The following EIF5A variants were observed in gnomAD, a reference collection of about 807,000 sequenced individuals.
EIF5A encodes the protein eukaryotic translation initiation factor 5A-1.
Under a neutral mutation model 16.6 loss-of-function variants are expected in EIF5A, and 1 was observed. The observed-to-expected ratio is 0.06, with a 90% CI of 0.02 to 0.28. The LOEUF is 0.28. EIF5A is among the 10% of genes least tolerant of loss of function. The pLI is 1.00. For synonymous variants in EIF5A, 80 were observed against 73.6 expected (o/e 1.09, Z -0.44); for missense variants, 29 against 196.1 (o/e 0.15, Z 5.09).
At chr17:7,307,621 C>T, upstream of EIF5A, 3 of 1,025,210 alleles carry the variant, frequency 2.9e-6, no homozygotes, top group Non-Finnish European at 2.3e-6. Context: ...GGGGAGTCGG[C>T]GCCTGCGTAC....
At chr17:7,309,975 C>G in intron 2 of EIF5A, 175 bp downstream of exon 2, 2 of 1,536,070 alleles carry the variant, frequency 1.3e-6, no homozygotes, top group Non-Finnish European at 1.7e-6. Flanking sequence ...GCTCCCCAGT[C>G]TTCAGCCTCT....
intron 2 of EIF5A, chr17:7,310,478 C>T: frequency 2.6e-6 from 3 of 1,172,542 alleles, no homozygotes; most frequent in Non-Finnish European, 3.2e-6. Flanking sequence ...ATCAGTTTTT[C>T]CATCTTTTGA....
intron 3 of EIF5A, 102 bp from the exon 4 acceptor site, chr17:7,311,248 G>A (rs1308082381): frequency 1.3e-6 from 2 of 1,591,482 alleles, no homozygotes; most frequent in African/African-American, 1.3e-5. Context: ...AGGGTGTTTG[G>A]TATTAGTTTG....
Position 7,307,663 on chromosome 17 carries a change from TAGAGGCGGCGGCGGCGGCGGC to T in EIF5A, c.-108_-88del, listed in dbSNP as rs1375864089. On this transcript the variant is annotated 5_prime_UTR_variant, in exon 1 of 6. Transcript: ENST00000336458. ...CCGTGTGCAGCAGCGGCGGCGGCGG[TAGAGGCGGCGGCGGCGGCGGC>T]AGCGGGCTCGGAGGCAGCGGTTGGG... 9.5e-7 allele frequency: 1 copy of T among 1,047,190 alleles called. No individual in the cohort carries two copies. Among genetic ancestry groups the T allele is most frequent in the Non-Finnish European group, 1.1e-6 (1 of 870,248 alleles). The allele number at this position is 1,047,190 out of a possible 1,614,324, so 64.9% of individuals were successfully genotyped here.
At position 7,307,678 on chromosome 17, in the gene EIF5A, C is replaced by T. The variant is rs893760525; in HGVS notation, c.-96C>T. On this transcript the variant is annotated 5_prime_UTR_variant, in exon 1 of 6. Coordinates refer to ENST00000336458, the MANE Select transcript of EIF5A (RefSeq NM_001970.5). Reference sequence around the variant, plus strand: ...GCGGCGGCGGTAGAGGCGGCGGCGGCGGCGGCAGCGGGCTCGGAGGCAGCG... The same window carrying T: ...GCGGCGGCGGTAGAGGCGGCGGCGGTGGCGGCAGCGGGCTCGGAGGCAGCG... 9.5e-7 allele frequency: 1 copy of T among 1,049,532 alleles called. No individual in the cohort carries two copies. Among genetic ancestry groups the T allele is most frequent in the South Asian group, 2.9e-5 (1 of 34,612 alleles). The allele number at this position is 1,049,532 out of a possible 1,614,324, so 65.0% of individuals were successfully genotyped here. A position where few individuals can be genotyped will look rare whatever the true frequency, so the allele number is the denominator to read the frequency against.
At chr17:7,308,613 T>G (rs752884816) in intron 1 of EIF5A, 1 of 1,347,340 alleles carries the variant, frequency 7.4e-7, no homozygotes, top group East Asian at 4.6e-5. Flanking sequence ...GCCGGAGAAA[T>G]GGGGAAACAG....
In EIF5A at chr17:7,311,466, T is replaced by C. The variant is rs201657126; in HGVS notation, c.387T>C (p.Cys129=). Residue 129 remains cysteine, a synonymous_variant, in exon 4 of 6, where the codon TGT becomes TGC. Coordinates refer to ENST00000336458, the MANE Select transcript of EIF5A (RefSeq NM_001970.5). The part of the protein sequence containing the change: ...LGKEIEQKYD[C]GEEILITVLS... ...AGGAGATTGAGCAGAAGTACGACTG[T>C]GGAGAAGAGATCCTGGTATGGTGCC... The C allele has an allele frequency of 4.3e-6, 7 of 1,614,136 alleles. No individual in the cohort carries two copies. The highest frequency in any genetic ancestry group is 5.9e-6 in the Non-Finnish European group (7 of 1,180,016).
At position 7,309,129 on chromosome 17, in the gene EIF5A, T is replaced by TGG. The variant is rs371340314; in HGVS notation, c.-21-478_-21-477dup. On this transcript the variant is annotated intron_variant, in intron 1 of 5. Transcript: ENST00000336458. ...TAGCAGTGACTGGTTTGTGTGTGGATGGGGGGGGGCAGTGTAACAGATGGG... is the reference window on the plus strand; with the variant it reads ...TAGCAGTGACTGGTTTGTGTGTGGATGGGGGGGGGGGCAGTGTAACAGATGGG... Among the ~76,000 whole-genome samples, 821 of 121,402 alleles carry TGG rather than the reference T, an allele frequency of 6.8e-3. 3 individuals are homozygous for TGG. Among genetic ancestry groups the TGG allele is most frequent in the Non-Finnish European group, 1.0e-2 (573 of 57,390 alleles). The allele number at this position is 121,402 out of a possible 152,430, so 79.6% of individuals were successfully genotyped here.
intron 1 of EIF5A, chr17:7,308,510 C>A: frequency 1.5e-6 from 2 of 1,351,368 alleles, no homozygotes; most frequent in Non-Finnish European, 2.0e-6. Context: ...TTAGCGCTTC[C>A]CAACCTCAAG....
In EIF5A at chr17:7,311,305, TC is replaced by T. The variant is rs1015866252; in HGVS notation, c.271-42del. ...CAGAGCCTTTACTGTCATGTCAGCC[TC>T]CCTGGGCCTACTACCTTCAGCCTCC... On this transcript the variant is annotated intron_variant, in intron 3 of 5. Transcript: ENST00000336458. 1.9e-6 allele frequency: 3 copies of T among 1,613,466 alleles called. No homozygotes were observed. In the Admixed American group the frequency reaches 5.0e-5, roughly 27 times the overall value.
At chr17:7,309,949 T>C in intron 2 of EIF5A, 149 bp downstream of exon 2, 1 of 1,554,548 alleles carries the variant, frequency 6.4e-7, no homozygotes. Flanking sequence ...TCATACCCAT[T>C]CAGACAACTA....
upstream of EIF5A, chr17:7,307,190 A>G: frequency 2.0e-6 from 3 of 1,464,588 alleles, no homozygotes; most frequent in Non-Finnish European, 2.8e-6. Flanking sequence ...GAGACAAGTG[A>G]TCTAGCGGCG....
chr17:7,311,718 T>G (rs1192423450), intron 5 of EIF5A, 67 bp downstream of exon 5: 6 of 1,594,948 alleles, frequency 3.8e-6, no homozygotes, highest in Non-Finnish European at 1.7e-6. Flanking sequence ...TGCTGTAGTC[T>G]TAATTGTTTC....
intron 1 of EIF5A, among the ~76,000 whole-genome samples, chr17:7,309,124 G>T (rs866502396): frequency 5.0e-4 from 75 of 149,802 alleles, no homozygotes; most frequent in Non-Finnish European, 1.5e-4. Context: ...TGGTTTGTGT[G>T]TGGATGGGGG....
chr17:7,310,046 T>G, intron 2 of EIF5A: 2 of 1,485,924 alleles, frequency 1.3e-6, no homozygotes, highest in Non-Finnish European at 9.0e-7. Context: ...TCTCCAGCTT[T>G]GTGCCAATCT....
chr17:7,308,056 C>T, intron 1 of EIF5A: 2 of 986,600 alleles, frequency 2.0e-6, no homozygotes, highest in Non-Finnish European at 2.4e-6. Context: ...GCCAGATCGG[C>T]CCACCGGGGC....
intron 2 of EIF5A, chr17:7,310,136 T>A (rs1241505294): frequency 7.6e-7 from 1 of 1,311,054 alleles, no homozygotes; most frequent in Non-Finnish European, 1.0e-6. Context: ...CTTTCTTCCC[T>A]TGAGCCGTTG....
At chr17:7,309,141 GTGTAACAGATGGGTGGGGCCT>G (rs958615395) in intron 1 of EIF5A, among the ~76,000 whole-genome samples, 11 of 151,194 alleles carry the variant, frequency 7.3e-5, no homozygotes, top group East Asian at 1.9e-4. Context: ...GGGGGGGGCA[GTGTAACAGATGGGTGGGGCCT>G]TGTCCTCCGG....
In EIF5A at chr17:7,311,238, A is replaced by T; in HGVS notation, c.271-112A>T. ...GGAGAGAGGAGGGAAATGGCAGGAG[A>T]GGGTGTTTGGTATTAGTTTGCTATC... is the stretch of plus-strand genomic sequence containing the variant. On this transcript the variant is annotated intron_variant, in intron 3 of 5. Coordinates refer to ENST00000336458, the MANE Select transcript of EIF5A (RefSeq NM_001970.5). The T allele has an allele frequency of 6.3e-6, 10 of 1,581,638 alleles. No homozygotes were observed. In the South Asian group the frequency reaches 9.1e-5, roughly 14 times the overall value.
Sources: gnomAD v4.1 joint callset for allele counts (sites outside exome capture counted in the v4.1 genomes callset) on GRCh38, gnomAD v4.1.1 for gene constraint, MANE v1.5 for transcripts, NCBI Gene and HGNC (gene_info 2026-07-23, HGNC 2026-07-21) for gene names.